Variants in NCKAP1 observed in about 807,000 individuals in gnomAD.
NCKAP1 encodes the protein nck-associated protein 1.
A neutral mutation model predicts 151.2 loss-of-function variants in NCKAP1; 21 were observed. That is an observed-to-expected ratio of 0.14 (90% CI 0.10 to 0.20). The LOEUF (loss-of-function observed/expected upper bound fraction) is 0.20. Among genes scored for constraint, NCKAP1 ranks in the 10% least tolerant of loss-of-function variants. The probability of loss-of-function intolerance (pLI) is 1.00; values close to 1 mark genes in which losing one functional copy is unlikely to be tolerated. For synonymous variants in NCKAP1, 484 were observed against 451.8 expected (o/e 1.07, Z -0.90); for missense variants, 933 against 1,352.1 (o/e 0.69, Z 4.86).
At position 182,913,099 on chromosome 2, in the gene NCKAP1, C is replaced by T. The variant is rs1209908232; in HGVS notation, c.*12603G>A. 3.9e-5 allele frequency: 6 copies of T among 152,114 alleles called. No individual in the cohort carries two copies. The South Asian group carries it at 1.2e-3, about 32-fold the overall frequency. The allele number at this position is 152,114 out of a possible 1,614,324, so 9.4% of individuals were successfully genotyped here. A position where few individuals can be genotyped will look rare whatever the true frequency, so the allele number is the denominator to read the frequency against. On this transcript the variant is annotated 3_prime_UTR_variant, in exon 31 of 31. Transcript: ENST00000361354. ...CTTCATCAGATGATGAGTAGTGACCCTAGTTTTACAGTCAAGATCAAACAT... is the reference window on the plus strand; with the variant it reads ...CTTCATCAGATGATGAGTAGTGACCTTAGTTTTACAGTCAAGATCAAACAT...
chr2:183,003,192 C>T, intron 3 of NCKAP1, 41 bp downstream of exon 3: 9 of 1,291,732 alleles, frequency 7.0e-6, no homozygotes, highest in Non-Finnish European at 9.7e-6. Context: ...ACATTTAAAT[C>T]TACTTCTGAA....
At chr2:182,955,218 C>T (rs981064324) in intron 20 of NCKAP1, among the ~76,000 whole-genome samples, 3 of 152,316 alleles carry the variant, frequency 2.0e-5, no homozygotes, top group Non-Finnish European at 4.4e-5. Context: ...TCACCAGCTA[C>T]AGTTCTATCT....
intron 20 of NCKAP1, among the ~76,000 whole-genome samples, chr2:182,953,706 G>C (rs1056327537): frequency 2.0e-5 from 3 of 152,056 alleles, no homozygotes; most frequent in Non-Finnish European, 4.4e-5. Context: ...GTTGAGACAG[G>C]AGAATCGCTT....
Position 182,918,598 on chromosome 2 carries a change from C to G in NCKAP1, c.*7104G>C, listed in dbSNP as rs1327167647. The G allele has an allele frequency of 6.6e-6, 1 of 152,166 alleles. No homozygotes were observed. The highest frequency in any genetic ancestry group is 1.5e-5 in the Non-Finnish European group (1 of 68,034). 9.4% of individuals were successfully genotyped at this position (152,166 alleles called of 1,614,324 possible). ...TAACTCAGGAACAGAAAACCAAATA[C>G]CGTATGTTCTCACTTGTAAGTGGGA... On this transcript the variant is annotated 3_prime_UTR_variant, in exon 31 of 31. Coordinates refer to ENST00000361354, the MANE Select transcript of NCKAP1 (RefSeq NM_013436.5).
At chr2:182,938,933 T>C (rs923371526) in intron 24 of NCKAP1, among the ~76,000 whole-genome samples, 12 of 151,992 alleles carry the variant, frequency 7.9e-5, no homozygotes, top group African/African-American at 2.7e-4. Flanking sequence ...GATCTGAGAG[T>C]TGAATTTCAA....
chr2:183,024,722 C>T (rs538333885), intron 1 of NCKAP1, among the ~76,000 whole-genome samples: 15 of 152,248 alleles, frequency 9.9e-5, no homozygotes, highest in Non-Finnish European at 1.8e-4. Flanking sequence ...TGCTTGCTAG[C>T]GAGATGTTAT....
Position 183,019,373 on chromosome 2 carries a change from GA to G in NCKAP1, c.219+4432del, listed in dbSNP as rs924615442. Among the ~76,000 whole-genome samples the G allele has an allele frequency of 9.9e-5, 15 of 151,874 alleles. No homozygotes were observed. In the East Asian group the frequency reaches 2.1e-3, roughly 22 times the overall value. ...GAAAAAAAAAGTTTAAAAAATATTG[GA>G]AAAAAAATTAGAAAAGTTTTAACAT... On this transcript the variant is annotated intron_variant, in intron 2 of 30. Coordinates refer to ENST00000361354, the MANE Select transcript of NCKAP1 (RefSeq NM_013436.5).
chr2:182,949,977 A>C (rs574756266), intron 23 of NCKAP1, among the ~76,000 whole-genome samples: 145 of 152,350 alleles, frequency 9.5e-4, no homozygotes, highest in African/African-American at 3.2e-3. Flanking sequence ...ATACACATAC[A>C]GCTGAATGAA....
rs554588605 is a variant in NCKAP1, at chr2:182,918,683, A to T, written c.*7019T>A. 1.3e-5 allele frequency: 2 copies of T among 152,256 alleles called. No individual in the cohort carries two copies. The highest frequency in any genetic ancestry group is 4.2e-4 in the South Asian group (2 of 4,818). The allele number at this position is 152,256 out of a possible 1,614,324, so 9.4% of individuals were successfully genotyped here. Reference sequence around the variant, plus strand: ...ATATCATGGACTTTGGAGACTCAGAAGTGGGAGGATGGGAACGGGTCTAGG... The same window carrying T: ...ATATCATGGACTTTGGAGACTCAGATGTGGGAGGATGGGAACGGGTCTAGG... On this transcript the variant is annotated 3_prime_UTR_variant, in exon 31 of 31. Coordinates refer to ENST00000361354, the MANE Select transcript of NCKAP1 (RefSeq NM_013436.5).
chr2:183,016,357 TGAG>T (rs564352464), intron 2 of NCKAP1, among the ~76,000 whole-genome samples: 13 of 152,366 alleles, frequency 8.5e-5, no homozygotes, highest in African/African-American at 2.6e-4. Flanking sequence ...TTGCATCTCC[TGAG>T]GAGTTCTTTT....
chr2:182,927,626 T>G (rs1194444478), intron 29 of NCKAP1, among the ~76,000 whole-genome samples: 3 of 152,024 alleles, frequency 2.0e-5, no homozygotes, highest in Admixed American at 2.0e-4. Context: ...TCTCTCTTGG[T>G]AGTGAGTAGT....
intron 2 of NCKAP1, 145 bp from the exon 3 acceptor site, chr2:183,003,470 G>A: frequency 1.8e-6 from 1 of 570,576 alleles, no homozygotes; most frequent in Non-Finnish European, 3.1e-6. Flanking sequence ...AAAAACCAAA[G>A]TACTCGAGAC....
chr2:183,005,332 C>T (rs1698449889), intron 2 of NCKAP1, among the ~76,000 whole-genome samples: 1 of 152,126 alleles, frequency 6.6e-6, no homozygotes, highest in South Asian at 2.1e-4. Context: ...ACTTCAGTGT[C>T]CTAGTCTGAA....
At chr2:182,969,482 A>G (rs1697642334) in intron 15 of NCKAP1, among the ~76,000 whole-genome samples, 1 of 152,210 alleles carries the variant, frequency 6.6e-6, no homozygotes, top group Non-Finnish European at 1.5e-5. Flanking sequence ...TTAATAAAGT[A>G]GAAAGACCAA....
rs1559092785 is a variant in NCKAP1 at position 182,982,939 on chromosome 2, A to G, written c.1102-12T>C. ...AAAACAAAAAGTGCCTGTTTAAAAA[A>G]AAGTAAGTGTTTATTCTTATTCAAA... On this transcript the variant is annotated splice_polypyrimidine_tract_variant and intron_variant, in intron 11 of 30. Coordinates refer to ENST00000361354, the MANE Select transcript of NCKAP1 (RefSeq NM_013436.5). 1 of 1,567,048 alleles carries G rather than the reference A, an allele frequency of 6.4e-7. No homozygotes were observed. Among genetic ancestry groups the G allele is most frequent in the Admixed American group, 1.9e-5 (1 of 52,888 alleles).
chr2:182,992,418 C>A (rs1288681236), intron 8 of NCKAP1, among the ~76,000 whole-genome samples: 1 of 152,220 alleles, frequency 6.6e-6, no homozygotes, highest in African/African-American at 2.4e-5. Context: ...GCTCATTACA[C>A]AAACTCATGC....
chr2:182,994,175 G>A (rs1026009838), intron 8 of NCKAP1, among the ~76,000 whole-genome samples: 5 of 152,082 alleles, frequency 3.3e-5, no homozygotes, highest in East Asian at 1.9e-4. Flanking sequence ...TTAAGTGAAC[G>A]GATGTGACAT....
intron 6 of NCKAP1, among the ~76,000 whole-genome samples, chr2:183,001,391 C>CATTA (rs1559101096): frequency 1.3e-5 from 2 of 152,154 alleles, no homozygotes; most frequent in Admixed American, 1.3e-4. Context: ...AAACTTATTT[C>CATTA]ATTAAGAACT....
chr2:182,984,391 C>A (rs1449782333), intron 10 of NCKAP1, among the ~76,000 whole-genome samples: 1 of 136,090 alleles, frequency 7.3e-6, no homozygotes, highest in African/African-American at 2.6e-5. Context: ...AAAATATACA[C>A]TGCTCCAAGA....
Sources: allele counts gnomAD v4.1 joint callset (sites outside exome capture counted in the v4.1 genomes callset), GRCh38; gene constraint gnomAD v4.1.1; transcripts MANE v1.5; gene names NCBI Gene and HGNC (gene_info 2026-07-23, HGNC 2026-07-21).